The following TTC21B variants were observed in gnomAD, a reference collection of about 807,000 sequenced individuals.
TTC21B encodes the protein tetratricopeptide repeat protein 21B.
A neutral mutation model predicts 175.1 loss-of-function variants in TTC21B; 127 were observed. The observed-to-expected ratio is 0.73, with a 90% CI of 0.63 to 0.84. The LOEUF (loss-of-function observed/expected upper bound fraction) is 0.84. TTC21B is among the 40% of genes least tolerant of loss of function. TTC21B has a pLI of 0.00. For synonymous variants in TTC21B, 524 were observed against 524.5 expected (o/e 1.00, Z 0.01); for missense variants, 1,561 against 1,558.3 (o/e 1.00, Z -0.03).
At chr2:165,951,393 T>C (rs1313814805) in intron 1 of TTC21B, among the ~76,000 whole-genome samples, 1 of 152,174 alleles carries the variant, frequency 6.6e-6, no homozygotes, top group Non-Finnish European at 1.5e-5. Context: ...TATCATAGTA[T>C]AAGAGTTCTA....
Position 165,919,316 on chromosome 2 carries a change from C to T in TTC21B, c.1634G>A (p.Cys545Tyr), listed in dbSNP as rs1019097424. ...VYLSQEKVKLCSQSLELCLSY... is the reference protein window; with the variant it reads ...VYLSQEKVKLYSQSLELCLSY... ...CAGACAAAGTTCAAGAGACTGAGAA[C>T]ACAATTTGACTTTTTCTTGAGACAA... Residue 545 changes from cysteine to tyrosine, a missense_variant, in exon 13 of 29, where the codon TGT becomes TAT. Coordinates refer to ENST00000243344, the MANE Select transcript of TTC21B (RefSeq NM_024753.5). 6.2e-7 allele frequency: 1 copy of T among 1,614,054 alleles called. No individual in the cohort carries two copies. The highest frequency in any genetic ancestry group is 1.1e-5 in the South Asian group (1 of 91,080).
intron 24 of TTC21B, 65 bp downstream of exon 24, chr2:165,890,414 A>G (rs568435578): frequency 4.4e-5 from 66 of 1,486,028 alleles, no homozygotes; most frequent in Non-Finnish European, 5.8e-5. Flanking sequence ...TCTTTTGTAT[A>G]GTATCCCTGT....
intron 1 of TTC21B, among the ~76,000 whole-genome samples, chr2:165,951,376 A>T (rs182189495): frequency 3.3e-5 from 5 of 152,328 alleles, no homozygotes; most frequent in Middle Eastern, 3.4e-3. Flanking sequence ...GTGAGAATTA[A>T]TTAAGATATC....
Position 165,932,973 on chromosome 2 carries a change from C to T in TTC21B, c.795G>A (p.Lys265=). 3 of 1,611,786 alleles carry T rather than the reference C, an allele frequency of 1.9e-6. No homozygotes were observed. Among genetic ancestry groups the T allele is most frequent in the Non-Finnish European group, 8.5e-7 (1 of 1,178,558 alleles). The change falls in exon 7 of 29, where the codon AAG becomes AAA. Residue 265 remains lysine, a splice_region_variant and synonymous_variant. Transcript: ENST00000243344. ...YYVCREGDIE[K]ASTKLENLGN... ...ACTTAAATAATACAATGCCACTTAC[C>T]TTCTCTATATCCCCCTCTCTACACA...
In TTC21B at chr2:165,888,309, T is replaced by C; in HGVS notation, c.3429A>G (p.Leu1143=). 1 of 1,613,900 alleles carries C rather than the reference T, an allele frequency of 6.2e-7. No individual in the cohort carries two copies. Among genetic ancestry groups the C allele is most frequent in the Non-Finnish European group, 8.5e-7 (1 of 1,179,838 alleles). The change falls in exon 25 of 29, where the codon TTA becomes TTG. Residue 1143 remains leucine, a synonymous_variant. Transcript: ENST00000243344. ...ATGCTGCTATTTCAGTGAAGGTATTTAATGCTTGTTCAACATTAGATTTCT... is the reference window on the plus strand; with the variant it reads ...ATGCTGCTATTTCAGTGAAGGTATTCAATGCTTGTTCAACATTAGATTTCT... ...TKQKSNVEQA[L]NTFTEIAASE... is the part of the protein sequence containing the mutation.
At chr2:165,887,311 G>A (rs1335191374) in intron 25 of TTC21B, among the ~76,000 whole-genome samples, 1 of 152,170 alleles carries the variant, frequency 6.6e-6, no homozygotes, top group Non-Finnish European at 1.5e-5. Context: ...AATTCAATGA[G>A]TATGCTTAGA....
Position 165,924,540 on chromosome 2 carries a change from A to G in TTC21B, c.1516+9T>C. 6.2e-7 allele frequency: 1 copy of G among 1,612,660 alleles called. No individual in the cohort carries two copies. The highest frequency in any genetic ancestry group is 8.5e-7 in the Non-Finnish European group (1 of 1,179,162). ...TAAAAAGGTTAAAAGTTTTTAAGGT[A>G]TACTCTACCTGACAAATATTTCACT... On this transcript the variant is annotated intron_variant, in intron 12 of 28. Coordinates refer to ENST00000243344, the MANE Select transcript of TTC21B (RefSeq NM_024753.5).
chr2:165,932,522 A>T lies in TTC21B; in HGVS notation c.795+451T>A, dbSNP rs979600838. ...AATGTGTTCACTACTACAGAAACAG[A>T]TGTGCTTTATTATGAGGTATAATGG... On this transcript the variant is annotated intron_variant, in intron 7 of 28. Coordinates refer to ENST00000243344, the MANE Select transcript of TTC21B (RefSeq NM_024753.5). Among the ~76,000 whole-genome samples the T allele has an allele frequency of 4.7e-4, 71 of 152,260 alleles. No individual in the cohort carries two copies. The Middle Eastern group carries it at 0.01, about 22-fold the overall frequency.
At chr2:165,917,786 G>C (rs1327193713) in intron 13 of TTC21B, among the ~76,000 whole-genome samples, 1 of 152,128 alleles carries the variant, frequency 6.6e-6, no homozygotes, top group Non-Finnish European at 1.5e-5. Flanking sequence ...GAGATTACTT[G>C]AATTTTCAGG....
chr2:165,902,042 G>T (rs1177850612), intron 19 of TTC21B, 132 bp from the exon 20 acceptor site: 3 of 801,234 alleles, frequency 3.7e-6, no homozygotes, highest in East Asian at 5.3e-5. Flanking sequence ...CTGATCCAAA[G>T]AAAATGTCTT....
At chr2:165,892,645 C>T (rs1049412971) in intron 22 of TTC21B, among the ~76,000 whole-genome samples, 2 of 151,964 alleles carry the variant, frequency 1.3e-5, no homozygotes, top group Non-Finnish European at 2.9e-5. Context: ...TGTGATACAG[C>T]TTACAGAGGT....
chr2:165,903,446 T>C (rs552398121), intron 19 of TTC21B, among the ~76,000 whole-genome samples: 5 of 152,240 alleles, frequency 3.3e-5, no homozygotes, highest in Non-Finnish European at 5.9e-5. Flanking sequence ...CTAGAGCCCA[T>C]GGGAAGCTAC....
At chr2:165,912,713 A>C in intron 16 of TTC21B, 89 bp from the exon 17 acceptor site, 1 of 933,638 alleles carries the variant, frequency 1.1e-6, no homozygotes, top group Non-Finnish European at 1.8e-6. Context: ...TAATCTCTAC[A>C]TTTGTAATAT....
chr2:165,924,730 C>T, intron 11 of TTC21B, 52 bp from the exon 12 acceptor site: 2 of 1,545,708 alleles, frequency 1.3e-6, no homozygotes, highest in Non-Finnish European at 1.8e-6. Context: ...ATAATATTTA[C>T]CTAAAATAAA....
chr2:165,884,080 A>T (rs1384373541), intron 25 of TTC21B, 62 bp from the exon 26 acceptor site: 1 of 1,313,304 alleles, frequency 7.6e-7, no homozygotes, highest in Non-Finnish European at 1.1e-6. Flanking sequence ...AAAAACATAC[A>T]GAAAGCAGAA....
chr2:165,904,554 G>A (rs1685667332), intron 19 of TTC21B, among the ~76,000 whole-genome samples: 1 of 152,210 alleles, frequency 6.6e-6, no homozygotes, highest in East Asian at 1.9e-4. Flanking sequence ...GGGTACACAG[G>A]AATCTAGTCA....
chr2:165,910,824 A>G (rs2105317570), intron 18 of TTC21B, among the ~76,000 whole-genome samples: 1 of 152,278 alleles, frequency 6.6e-6, no homozygotes, highest in East Asian at 1.9e-4. Flanking sequence ...ATTGCAGAAA[A>G]GGAAGAGTAA....
intron 25 of TTC21B, among the ~76,000 whole-genome samples, chr2:165,887,128 G>T (rs958904582): frequency 6.6e-6 from 1 of 152,032 alleles, no homozygotes; most frequent in African/African-American, 2.4e-5. Flanking sequence ...TCTCCTCCAG[G>T]GCCCTAAAAG....
chr2:165,937,763 TATAG>T (rs939156290), intron 6 of TTC21B, among the ~76,000 whole-genome samples: 61 of 135,844 alleles, frequency 4.5e-4, no homozygotes, highest in African/African-American at 1.7e-3. Context: ...TTTTAAAATA[TATAG>T]AAACCACACA....
Sources: gnomAD v4.1 joint callset for allele counts (sites outside exome capture counted in the v4.1 genomes callset) on GRCh38, gnomAD v4.1.1 for gene constraint, MANE v1.5 for transcripts, NCBI Gene and HGNC (gene_info 2026-07-23, HGNC 2026-07-21) for gene names.